Variants in HACD3 observed in about 807,000 individuals in gnomAD.
The protein encoded by HACD3 is 3-hydroxyacyl-CoA dehydratase 3, also known as very-long-chain (3R)-3-hydroxyacyl-CoA dehydratase 3.
Under a neutral mutation model 55.2 loss-of-function variants are expected in HACD3, and 30 were observed. The observed-to-expected ratio is 0.54, with a 90% CI of 0.41 to 0.74. The LOEUF (loss-of-function observed/expected upper bound fraction) is 0.74. Ranked by LOEUF, HACD3 falls within the 30% of genes least tolerant of loss-of-function variation. HACD3 has a pLI of 0.00. For missense variants in HACD3, 363 were observed against 440.1 expected (o/e 0.82, Z 1.57); for synonymous variants, 141 against 151.7 (o/e 0.93, Z 0.52).
chr15:65,573,982 T>C (rs187421219), intron 10 of HACD3, among the ~76,000 whole-genome samples: 59 of 152,324 alleles, frequency 3.9e-4, no homozygotes, highest in African/African-American at 1.4e-3. Flanking sequence ...ATATTTCTCC[T>C]TGCTTTATTT....
intron 7 of HACD3, chr15:65,566,617 C>T (rs1245817122): frequency 6.6e-6 from 1 of 152,274 alleles, no homozygotes; most frequent in Non-Finnish European, 1.5e-5. Context: ...GGGTCCCTTC[C>T]ACAACATGTG....
In HACD3 at chr15:65,576,158, T is replaced by C. The variant is rs1456249412; in HGVS notation, c.1013-145T>C. ...TGTGTCTATTGTATTGTTAATTTGT[T>C]CTAAATTGTACTCCTTCCTGAGCCG... On this transcript the variant is annotated intron_variant, in intron 10 of 10. Coordinates refer to ENST00000261875, the MANE Select transcript of HACD3 (RefSeq NM_016395.4). 4.1e-6 allele frequency: 5 copies of C among 1,210,530 alleles called. No individual in the cohort carries two copies. In the African/African-American group the frequency reaches 7.8e-5, roughly 19 times the overall value. 75.0% of individuals were successfully genotyped at this position (1,210,530 alleles called of 1,614,324 possible). A position where few individuals can be genotyped will look rare whatever the true frequency, so the allele number is the denominator to read the frequency against.
intron 1 of HACD3, among the ~76,000 whole-genome samples, chr15:65,537,046 A>T (rs1327399048): frequency 6.6e-6 from 1 of 152,342 alleles, no homozygotes; most frequent in African/African-American, 2.4e-5. Context: ...ATAGAATATA[A>T]ATCAGCCACG....
Position 65,577,683 on chromosome 15 carries a change from G to C in HACD3, c.*1304G>C, listed in dbSNP as rs1253887978. ...TACTTGTGTACTTGTTCTAGTGAGT[G>C]GTGGGACTGTACATTTTTGAATAGA... On this transcript the variant is annotated 3_prime_UTR_variant, in exon 11 of 11. Transcript: ENST00000261875. 2 of 152,166 alleles carry C rather than the reference G, an allele frequency of 1.3e-5. No individual in the cohort carries two copies. The allele number at this position is 152,166 out of a possible 1,614,324, so 9.4% of individuals were successfully genotyped here. A position where few individuals can be genotyped will look rare whatever the true frequency, so the allele number is the denominator to read the frequency against.
At chr15:65,567,178 G>T (rs1332767873) in intron 7 of HACD3, among the ~76,000 whole-genome samples, 1 of 152,120 alleles carries the variant, frequency 6.6e-6, no homozygotes, top group Non-Finnish European at 1.5e-5. Flanking sequence ...AAATTTGCCA[G>T]GCATGGTGAT....
At chr15:65,569,983 C>G (rs529477155) in intron 7 of HACD3, 108 bp from the exon 8 acceptor site, 1 of 701,624 alleles carries the variant, frequency 1.4e-6, no homozygotes, top group South Asian at 2.1e-5. Flanking sequence ...CGAGGTCAAT[C>G]TTTTCTATTT....
chr15:65,539,277 A>G (rs1401643916), intron 1 of HACD3, among the ~76,000 whole-genome samples: 1 of 131,086 alleles, frequency 7.6e-6, no homozygotes, highest in African/African-American at 2.9e-5. Context: ...CTGGATTGCA[A>G]TGGCTCAATC....
intron 10 of HACD3, among the ~76,000 whole-genome samples, chr15:65,576,059 A>G (rs1322901156): frequency 2.0e-5 from 3 of 152,216 alleles, no homozygotes; most frequent in Non-Finnish European, 4.4e-5. Flanking sequence ...GTGCCACTGC[A>G]CTCCAGCCTG....
intron 7 of HACD3, chr15:65,564,641 A>C (rs2072274593): frequency 7.7e-6 from 2 of 260,286 alleles, no homozygotes; most frequent in East Asian, 2.2e-4. Flanking sequence ...TATCCTGAGA[A>C]TAGCATGGGA....
chr15:65,562,648 T>C, intron 5 of HACD3, 126 bp from the exon 6 acceptor site: 1 of 1,297,922 alleles, frequency 7.7e-7, no homozygotes, highest in Non-Finnish European at 1.0e-6. Context: ...GGACCAGGTA[T>C]TTGTGTGGGA....
intron 3 of HACD3, among the ~76,000 whole-genome samples, chr15:65,556,210 T>C (rs944739800): frequency 6.6e-6 from 1 of 152,212 alleles, no homozygotes; most frequent in Admixed American, 6.5e-5. Context: ...TATTACATTG[T>C]AATATATAAT....
chr15:65,573,756 AAAT>A (rs1472980022), intron 10 of HACD3, among the ~76,000 whole-genome samples: 4 of 152,222 alleles, frequency 2.6e-5, no homozygotes, highest in African/African-American at 9.6e-5. Context: ...AATTTGAGAA[AAAT>A]AATTTTTTCC....
chr15:65,537,849 G>C (rs940518654), intron 1 of HACD3, among the ~76,000 whole-genome samples: 4 of 141,402 alleles, frequency 2.8e-5, no homozygotes, highest in African/African-American at 1.0e-4. Context: ...TCTGTAAGTG[G>C]AACAACGACT....
chr15:65,551,760 A>C, intron 2 of HACD3, 42 bp downstream of exon 2: 1 of 1,605,990 alleles, frequency 6.2e-7, no homozygotes. Context: ...TACACAGTTA[A>C]GGAGGTGTGG....
At chr15:65,565,526 G>A (rs778050412) in intron 7 of HACD3, 11 of 152,278 alleles carry the variant, frequency 7.2e-5, no homozygotes, top group Non-Finnish European at 1.3e-4. Context: ...TCACCACCAC[G>A]TGGAAGCTGC....
intron 1 of HACD3, among the ~76,000 whole-genome samples, chr15:65,548,022 G>A (rs922054523): frequency 3.3e-5 from 5 of 152,124 alleles, no homozygotes. Context: ...GAGGAGGAGA[G>A]AACAGGAATT....
intron 1 of HACD3, chr15:65,551,209 C>G (rs953284655): frequency 1.9e-5 from 3 of 157,178 alleles, no homozygotes; most frequent in Non-Finnish European, 2.8e-5. Context: ...TCTCTCCTAA[C>G]TCTGCTAACA....
rs2072404053 is a variant in HACD3 at position 65,576,628 on chromosome 15, GCCCA to G, written c.*253_*256del. On this transcript the variant is annotated 3_prime_UTR_variant, in exon 11 of 11. Coordinates refer to ENST00000261875, the MANE Select transcript of HACD3 (RefSeq NM_016395.4). ...TCAGTTAATGACACCAAAAGGCTCA[GCCCA>G]CCCCAACCCTATCTCATGTTCAGTC... The G allele has an allele frequency of 1.9e-6, 1 of 517,014 alleles. No homozygotes were observed. The highest frequency in any genetic ancestry group is 3.4e-6 in the Non-Finnish European group (1 of 293,782). The allele number at this position is 517,014 out of a possible 1,614,324, so 32.0% of individuals were successfully genotyped here. A position where few individuals can be genotyped will look rare whatever the true frequency, so the allele number is the denominator to read the frequency against.
intron 2 of HACD3, chr15:65,553,161 T>C (rs1295327467): frequency 6.6e-6 from 1 of 152,280 alleles, no homozygotes; most frequent in Non-Finnish European, 1.5e-5. Flanking sequence ...ATTCCAATTT[T>C]AGTATATGTG....
Sources: gnomAD v4.1 joint callset for allele counts (sites outside exome capture counted in the v4.1 genomes callset) on GRCh38, gnomAD v4.1.1 for gene constraint, MANE v1.5 for transcripts, NCBI Gene and HGNC (gene_info 2026-07-23, HGNC 2026-07-21) for gene names.